JUND: variants seen among roughly 807,000 people sequenced by gnomAD.
JUND encodes transcription factor JunD.
In JUND, 2 loss-of-function variants were observed where a neutral mutation model predicts 7.1. The ratio of observed to expected loss-of-function variants is 0.28; its 90% CI spans 0.11 to 0.88. The LOEUF (loss-of-function observed/expected upper bound fraction) is 0.88, where lower values mean the gene tolerates loss of function less well. JUND is among the 40% of genes least tolerant of loss of function. The pLI is 0.60. For synonymous variants in JUND, 335 were observed against 263.2 expected, an observed-to-expected ratio of 1.27 and a Z score of -2.64; for missense variants, 479 against 519.1, an observed-to-expected ratio of 0.92 and a Z score of 0.75.
Position 18,280,781 on chromosome 19 carries a change from C to CGCGGCGGCCCCAACGCGCCTGGGGGTG in JUND, c.677_703dup (p.Pro226_Pro234dup). The CGCGGCGGCCCCAACGCGCCTGGGGGTG allele has an allele frequency of 6.3e-7, 1 of 1,590,194 alleles. No homozygotes were observed. Among genetic ancestry groups the CGCGGCGGCCCCAACGCGCCTGGGGGTG allele is most frequent in the Non-Finnish European group, 8.5e-7 (1 of 1,175,136 alleles). On this transcript the variant is annotated inframe_insertion, in exon 1 of 1. Coordinates refer to ENST00000252818, the MANE Select transcript of JUND (RefSeq NM_005354.6). This position sits in a 1 kb window ranked among gnomAD's most constrained non-coding sequence, Gnocchi z 4.1. ...TGGCTCGTCCTTGAGCGCAGCCAGG[C>CGCGGCGGCCCCAACGCGCCTGGGGGTG]GCGGCGGCCCCAACGCGCCTGGGGG...
Position 18,280,814 on chromosome 19 carries a change from G to A in JUND, c.671C>T (p.Pro224Leu), listed in dbSNP as rs781657948. The A allele has an allele frequency of 1.3e-6, 2 of 1,554,748 alleles. No homozygotes were observed. The highest frequency in any genetic ancestry group is 1.9e-4 in the Middle Eastern group (1 of 5,218). ...CCCCAACGCGCCTGGGGGTGGCGGC[G>A]GCGGGAAGGGCACAGGTTCGGCAGC... ...AFAAEPVPFPPPPPPGALGPP... is the reference protein window; with the variant it reads ...AFAAEPVPFPLPPPPGALGPP... Residue 224 changes from proline (P) to leucine (L), a missense_variant, in exon 1 of 1, where the codon CCG becomes CTG. Transcript: ENST00000252818. The surrounding 1 kb of genome is among the most constrained non-coding windows in gnomAD (Gnocchi z 4.1).
Position 18,280,291 on chromosome 19 carries a change from C to T in JUND, c.*150G>A, listed in dbSNP as rs1205575154. 1.1e-5 allele frequency: 8 copies of T among 733,072 alleles called. No individual in the cohort carries two copies. The highest frequency in any genetic ancestry group is 1.9e-5 in the African/African-American group (1 of 53,062). 45.4% of individuals were successfully genotyped at this position (733,072 alleles called of 1,614,324 possible). ...GGCACCCTCGGGGGGGGGGAATCCCCGGGGGCCGCGCCCTCTCTGAGTTCC... is the reference window on the plus strand; with the variant it reads ...GGCACCCTCGGGGGGGGGGAATCCCTGGGGGCCGCGCCCTCTCTGAGTTCC... On this transcript the variant is annotated 3_prime_UTR_variant, in exon 1 of 1. Transcript: ENST00000252818. The surrounding 1 kb of genome is among the most constrained non-coding windows in gnomAD (Gnocchi z 4.1).
In JUND at chr19:18,280,768, G is replaced by A; in HGVS notation, c.717C>T (p.Leu239=). The A allele has an allele frequency of 1.3e-6, 2 of 1,598,462 alleles. No individual in the cohort carries two copies. The highest frequency in any genetic ancestry group is 2.2e-5 in the South Asian group (2 of 90,212). ...CGGGCACCGTCTGTGGCTCGTCCTT[G>A]AGCGCAGCCAGGCGCGGCGGCCCCA... ...GALGPPRLAA[L]KDEPQTVPDV... Residue 239 remains leucine, a synonymous_variant, in exon 1 of 1, where the codon CTC becomes CTT. Transcript: ENST00000252818. The surrounding 1 kb of genome is among the most constrained non-coding windows in gnomAD (Gnocchi z 4.1).
At position 18,281,143 on chromosome 19, in the gene JUND, G is replaced by T. The variant is rs750713902; in HGVS notation, c.342C>A (p.Val114=). Residue 114 remains valine (V), a synonymous_variant, in exon 1 of 1, where the codon GTC becomes GTA. Transcript: ENST00000252818. Reference sequence around the variant, plus strand: ...ACTGTGAGCTCGTCGGCGTGGTGGTGACCAGCCCGTTGGACTGGATGATGA... The same window carrying T: ...ACTGTGAGCTCGTCGGCGTGGTGGTTACCAGCCCGTTGGACTGGATGATGA... ...ERLIIQSNGL[V]TTTPTSSQFL... is the part of the protein sequence containing the mutation. 6.3e-7 allele frequency: 1 copy of T among 1,576,140 alleles called. No individual in the cohort carries two copies. The highest frequency in any genetic ancestry group is 1.8e-5 in the Admixed American group (1 of 57,042).
In JUND at chr19:18,280,190, G is replaced by C. The variant is rs1325484293; in HGVS notation, c.*251C>G. 2.3e-6 allele frequency: 1 copy of C among 437,684 alleles called. No homozygotes were observed. The highest frequency in any genetic ancestry group is 2.1e-5 in the African/African-American group (1 of 46,808). The allele number at this position is 437,684 out of a possible 1,614,324, so 27.1% of individuals were successfully genotyped here. A position where few individuals can be genotyped will look rare whatever the true frequency, so the allele number is the denominator to read the frequency against. ...TGCAACACGGGGCGGCCGCGCGGGG[G>C]AAAGAGGCAGCGCGAGGGCGGGGGG... On this transcript the variant is annotated 3_prime_UTR_variant, in exon 1 of 1. Transcript: ENST00000252818. The surrounding 1 kb of genome is among the most constrained non-coding windows in gnomAD (Gnocchi z 4.1).
Position 18,280,023 on chromosome 19 carries a change from A to C in JUND, c.*418T>G, listed in dbSNP as rs906478688. ...CGAGTAGAAACATAAATAGGGCAGA[A>C]TCGAACACTCTGTTCTTCTCTCTTC... On this transcript the variant is annotated 3_prime_UTR_variant, in exon 1 of 1. Transcript: ENST00000252818. The surrounding 1 kb of genome is among the most constrained non-coding windows in gnomAD (Gnocchi z 4.1). 1.1e-4 allele frequency: 23 copies of C among 213,278 alleles called. No homozygotes were observed. Among genetic ancestry groups the C allele is most frequent in the Non-Finnish European group, 1.9e-4 (20 of 105,548 alleles). 13.2% of individuals were successfully genotyped at this position (213,278 alleles called of 1,614,324 possible).
At position 18,280,073 on chromosome 19, in the gene JUND, A is replaced by T; in HGVS notation, c.*368T>A. 2 of 246,786 alleles carry T rather than the reference A, an allele frequency of 8.1e-6. No homozygotes were observed. The highest frequency in any genetic ancestry group is 7.9e-6 in the Non-Finnish European group (1 of 126,386). 15.3% of individuals were successfully genotyped at this position (246,786 alleles called of 1,614,324 possible). A position where few individuals can be genotyped will look rare whatever the true frequency, so the allele number is the denominator to read the frequency against. On this transcript the variant is annotated 3_prime_UTR_variant, in exon 1 of 1. Transcript: ENST00000252818. The surrounding 1 kb of genome is among the most constrained non-coding windows in gnomAD (Gnocchi z 4.1). The stretch of plus-strand genomic sequence containing the variant: ...CCAAAGAAAAAAAAAAAAAAGTAAA[A>T]GTAAAGGAAAGGCAGGGTTTGAGGC...
chr19:18,281,098 C>T lies in JUND; in HGVS notation c.387G>A (p.Ala129=). 2 of 1,580,286 alleles carry T rather than the reference C, an allele frequency of 1.3e-6. No individual in the cohort carries two copies. The highest frequency in any genetic ancestry group is 1.7e-6 in the Non-Finnish European group (2 of 1,168,088). ...TSSQFLYPKV[A]ASEEQEFAEG... ...CGGCGAACTCCTGCTCCTCGCTGGCCGCCACCTTGGGGTAGAGGAACTGTG... is the reference window on the plus strand; with the variant it reads ...CGGCGAACTCCTGCTCCTCGCTGGCTGCCACCTTGGGGTAGAGGAACTGTG... Residue 129 remains alanine, a synonymous_variant, in exon 1 of 1, where the codon GCG becomes GCA. Transcript: ENST00000252818.
rs761289475 is a variant in JUND at position 18,281,407 on chromosome 19, C to T, written c.78G>A (p.Ala26=). ...GGASGSGGSF[A]SPGRLFPGAP... ...CCCCGGGGAACAAGCGGCCCGGGGA[C>T]GCGAAGCTGCCGCCGCTGCCACTGG... The change falls in exon 1 of 1, where the codon GCG becomes GCA. Residue 26 remains alanine, a synonymous_variant. Coordinates refer to ENST00000252818, the MANE Select transcript of JUND (RefSeq NM_005354.6). 1.6e-5 allele frequency: 21 copies of T among 1,350,944 alleles called. No individual in the cohort carries two copies. The South Asian group carries it at 3.9e-4, about 25-fold the overall frequency. 83.7% of individuals were successfully genotyped at this position (1,350,944 alleles called of 1,614,324 possible).
In JUND at chr19:18,280,642, G is replaced by C; in HGVS notation, c.843C>G (p.Ala281=). Residue 281 remains alanine (A), a synonymous_variant, in exon 1 of 1, where the codon GCC becomes GCG. Transcript: ENST00000252818. The surrounding 1 kb of genome is among the most constrained non-coding windows in gnomAD (Gnocchi z 4.1). The part of the protein sequence containing the change: ...AERKRLRNRI[A]ASKCRKRKLE... ...GCTTGCGCTTGCGGCACTTGGAGGC[G>C]GCGATGCGGTTGCGCAGCCGCTTGC... The C allele has an allele frequency of 6.2e-7, 1 of 1,612,746 alleles. No homozygotes were observed. Among genetic ancestry groups the C allele is most frequent in the Middle Eastern group, 1.7e-4 (1 of 6,060 alleles).
rs966474931 is a variant in JUND, at chr19:18,280,296, G to A, written c.*145C>T. The A allele has an allele frequency of 6.2e-5, 47 of 762,406 alleles. No homozygotes were observed. The highest frequency in any genetic ancestry group is 8.2e-5 in the Non-Finnish European group (41 of 499,754). The allele number at this position is 762,406 out of a possible 1,614,324, so 47.2% of individuals were successfully genotyped here. Reference sequence around the variant, plus strand: ...CCTCGGGGGGGGGGAATCCCCGGGGGCCGCGCCCTCTCTGAGTTCCTGGGC... The same window carrying A: ...CCTCGGGGGGGGGGAATCCCCGGGGACCGCGCCCTCTCTGAGTTCCTGGGC... On this transcript the variant is annotated 3_prime_UTR_variant, in exon 1 of 1. Coordinates refer to ENST00000252818, the MANE Select transcript of JUND (RefSeq NM_005354.6). The surrounding 1 kb of genome is among the most constrained non-coding windows in gnomAD (Gnocchi z 4.1).
rs1969911198 is a variant in JUND, at chr19:18,280,226, C to T, written c.*215G>A. 2.7e-5 allele frequency: 7 copies of T among 256,298 alleles called. No individual in the cohort carries two copies. The East Asian group carries it at 9.5e-4, about 35-fold the overall frequency. The allele number at this position is 256,298 out of a possible 1,614,324, so 15.9% of individuals were successfully genotyped here. A position where few individuals can be genotyped will look rare whatever the true frequency, so the allele number is the denominator to read the frequency against. ...CGCGAGGGCGGGGGGGTCATGCGCT[C>T]GCCCCCCCGGGAGCAGGGGGTCCAG... is the stretch of plus-strand genomic sequence containing the variant. On this transcript the variant is annotated 3_prime_UTR_variant, in exon 1 of 1. Transcript: ENST00000252818. This position sits in a 1 kb window ranked among gnomAD's most constrained non-coding sequence, Gnocchi z 4.1.
rs1969908355 is a variant in JUND at position 18,280,137 on chromosome 19, AAAGGGGC to A, written c.*297_*303del. 2.9e-6 allele frequency: 1 copy of A among 345,438 alleles called. No homozygotes were observed. The highest frequency in any genetic ancestry group is 2.8e-5 in the South Asian group (1 of 35,432). 21.4% of individuals were successfully genotyped at this position (345,438 alleles called of 1,614,324 possible). Reference sequence around the variant, plus strand: ...AGCCCCCTTCCGCGGCGCGGTGTACAAAGGGGCAGCCGAGACGCGCGGGTTTGTGCAA... The same window carrying A: ...AGCCCCCTTCCGCGGCGCGGTGTACAAGCCGAGACGCGCGGGTTTGTGCAA... On this transcript the variant is annotated 3_prime_UTR_variant, in exon 1 of 1. Coordinates refer to ENST00000252818, the MANE Select transcript of JUND (RefSeq NM_005354.6). The surrounding 1 kb of genome is among the most constrained non-coding windows in gnomAD (Gnocchi z 4.1).
rs920060363 is a variant in JUND, at chr19:18,281,515, G to A, written c.-31C>T. The A allele has an allele frequency of 2.5e-6, 3 of 1,204,828 alleles. No homozygotes were observed. Among genetic ancestry groups the A allele is most frequent in the Non-Finnish European group, 3.1e-6 (3 of 966,136 alleles). The allele number at this position is 1,204,828 out of a possible 1,614,324, so 74.6% of individuals were successfully genotyped here. A position where few individuals can be genotyped will look rare whatever the true frequency, so the allele number is the denominator to read the frequency against. On this transcript the variant is annotated 5_prime_UTR_variant, in exon 1 of 1. Coordinates refer to ENST00000252818, the MANE Select transcript of JUND (RefSeq NM_005354.6). ...GCCTCCCCCGCCGCGCCGGCCCGGGGGGGAGTGGCCGCGGCCTCCCGGGGG... is the reference window on the plus strand; with the variant it reads ...GCCTCCCCCGCCGCGCCGGCCCGGGAGGGAGTGGCCGCGGCCTCCCGGGGG...
chr19:18,280,273 TCGG>T lies in JUND; in HGVS notation c.*165_*167del, dbSNP rs1292144576. The T allele has an allele frequency of 2.3e-5, 12 of 519,520 alleles. No individual in the cohort carries two copies. In the African/African-American group the frequency reaches 4.5e-4, roughly 20 times the overall value. 32.2% of individuals were successfully genotyped at this position (519,520 alleles called of 1,614,324 possible). ...CCAGCTTGTCGAGTCCTGGGCACCCTCGGGGGGGGGGAATCCCCGGGGGCCGCG... is the reference window on the plus strand; with the variant it reads ...CCAGCTTGTCGAGTCCTGGGCACCCTGGGGGGGGAATCCCCGGGGGCCGCG... On this transcript the variant is annotated 3_prime_UTR_variant, in exon 1 of 1. Coordinates refer to ENST00000252818, the MANE Select transcript of JUND (RefSeq NM_005354.6). The surrounding 1 kb of genome is among the most constrained non-coding windows in gnomAD (Gnocchi z 4.1).
In JUND at chr19:18,281,372, G is replaced by A; in HGVS notation, c.113C>T (p.Thr38Met). The A allele has an allele frequency of 3.0e-6, 4 of 1,343,728 alleles. No individual in the cohort carries two copies. Among genetic ancestry groups the A allele is most frequent in the East Asian group, 3.1e-5 (1 of 32,248 alleles). 83.2% of individuals were successfully genotyped at this position (1,343,728 alleles called of 1,614,324 possible). A position where few individuals can be genotyped will look rare whatever the true frequency, so the allele number is the denominator to read the frequency against. Residue 38 changes from threonine to methionine, a missense_variant, in exon 1 of 1, where the codon ACG becomes ATG. Physicochemically the swap from Thr to Met is moderately conservative, Grantham distance 81. Around this residue, in one of 3 missense-constraint regions of JUND, gnomAD observed 374 missense variants for 365.4 expected, o/e 1.02. Coordinates refer to ENST00000252818, the MANE Select transcript of JUND (RefSeq NM_005354.6). ...PGRLFPGAPP[T>M]AAAGSMMKKD... ...CTTCATCATGCTGCCGGCCGCGGCC[G>A]TCGGGGGCGCCCCGGGGAACAAGCG... is the stretch of plus-strand genomic sequence containing the variant.
At position 18,281,546 on chromosome 19, in the gene JUND, C is replaced by T; in HGVS notation, c.-62G>A. The T allele has an allele frequency of 9.5e-6, 8 of 838,986 alleles. No individual in the cohort carries two copies. Among genetic ancestry groups the T allele is most frequent in the Non-Finnish European group, 1.2e-5 (8 of 666,418 alleles). 52.0% of individuals were successfully genotyped at this position (838,986 alleles called of 1,614,324 possible). ...TGGCCGCGGCCTCCCGGGGGGCCCG[C>T]GCCCCCCCGTCCGCTCGGCCCTGCG... is the stretch of plus-strand genomic sequence containing the variant. On this transcript the variant is annotated 5_prime_UTR_variant, in exon 1 of 1. Coordinates refer to ENST00000252818, the MANE Select transcript of JUND (RefSeq NM_005354.6).
rs1026973780 is a variant in JUND at position 18,281,611 on chromosome 19, G to A, written c.-127C>T. ...GGCCGCAGCGCCCGGCCCTCCACTG[G>A]CGGCGGCTCCTGCGCCGCGCCACTT... On this transcript the variant is annotated 5_prime_UTR_variant, in exon 1 of 1. Coordinates refer to ENST00000252818, the MANE Select transcript of JUND (RefSeq NM_005354.6). The A allele has an allele frequency of 1.0e-5, 2 of 195,960 alleles. No individual in the cohort carries two copies. Among genetic ancestry groups the A allele is most frequent in the Non-Finnish European group, 1.8e-5 (2 of 110,664 alleles). The allele number at this position is 195,960 out of a possible 1,614,324, so 12.1% of individuals were successfully genotyped here.
chr19:18,281,323 C>G lies in JUND; in HGVS notation c.162G>C (p.Leu54=), dbSNP rs1600148282. The G allele has an allele frequency of 7.3e-7, 1 of 1,374,004 alleles. No individual in the cohort carries two copies. Among genetic ancestry groups the G allele is most frequent in the Non-Finnish European group, 9.3e-7 (1 of 1,074,038 alleles). 85.1% of individuals were successfully genotyped at this position (1,374,004 alleles called of 1,614,324 possible). A position where few individuals can be genotyped will look rare whatever the true frequency, so the allele number is the denominator to read the frequency against. Reference sequence around the variant, plus strand: ...TGAGCGCTGCCGCCACCTGCTCACTCAGGCTCAGCGTCAGCGCGTCCTTCT... The same window carrying G: ...TGAGCGCTGCCGCCACCTGCTCACTGAGGCTCAGCGTCAGCGCGTCCTTCT... ...MMKKDALTLS[L]SEQVAAALKP... The change falls in exon 1 of 1, where the codon CTG becomes CTC. Residue 54 remains leucine (L), a synonymous_variant. Transcript: ENST00000252818.
Sources: allele counts gnomAD v4.1 joint callset, GRCh38; gene constraint gnomAD v4.1.1; regional missense constraint gnomAD v4.1.1; non-coding constraint Gnocchi (gnomAD v3.1); transcripts MANE v1.5; gene names NCBI Gene and HGNC (gene_info 2026-07-23, HGNC 2026-07-21).